Variants in CASQ2 observed in about 807,000 individuals in gnomAD.
CASQ2 encodes the protein calsequestrin-2.
CASQ2 carries 49 observed loss-of-function variants against 46.5 expected under a neutral mutation model. The observed-to-expected ratio is 1.05, with a 90% CI of 0.84 to 1.34. The LOEUF (loss-of-function observed/expected upper bound fraction) is 1.34, where lower values mean the gene tolerates loss of function less well. Ranked by LOEUF, CASQ2 falls within the 40% of genes most tolerant of loss-of-function variation. The pLI, the probability that CASQ2 is intolerant of heterozygous loss-of-function variation, is 0.00. For missense variants in CASQ2, 486 were observed against 481.3 expected (o/e 1.01, Z -0.09); for synonymous variants, 174 against 168.5 (o/e 1.03, Z -0.25).
chr1:115,763,659 T>G (rs1376100915), intron 1 of CASQ2, among the ~76,000 whole-genome samples: 1 of 152,194 alleles, frequency 6.6e-6, no homozygotes, highest in Non-Finnish European at 1.5e-5. Context: ...GGCAGCCTCA[T>G]TCAATCCTCA....
chr1:115,758,038 T>G (rs1453261852), intron 1 of CASQ2, among the ~76,000 whole-genome samples: 1 of 152,202 alleles, frequency 6.6e-6, no homozygotes, highest in African/African-American at 2.4e-5. Flanking sequence ...GCAGCTCAAG[T>G]GTGAGTGAAA....
At position 115,762,670 on chromosome 1, in the gene CASQ2, G is replaced by A. The variant is rs543524513; in HGVS notation, c.234+5638C>T. ...TTTCCTTCTATAGACGATTTAAGTG[G>A]CCATAAAATTGTTTCTATGTAAGTG... On this transcript the variant is annotated intron_variant, in intron 1 of 10. Coordinates refer to ENST00000261448, the MANE Select transcript of CASQ2 (RefSeq NM_001232.4). Among the ~76,000 whole-genome samples the A allele has an allele frequency of 2.0e-5, 3 of 152,318 alleles. No homozygotes were observed. In the East Asian group the frequency reaches 5.8e-4, roughly 29 times the overall value.
At chr1:115,729,171 T>C (rs1223117719) in intron 5 of CASQ2, among the ~76,000 whole-genome samples, 2 of 147,452 alleles carry the variant, frequency 1.4e-5, no homozygotes, top group Non-Finnish European at 3.0e-5. Flanking sequence ...TGCCTCAGCC[T>C]CCCGAGTAGC....
chr1:115,733,044 T>C, intron 4 of CASQ2, 70 bp from the exon 5 acceptor site: 1 of 1,135,840 alleles, frequency 8.8e-7, no homozygotes, highest in Non-Finnish European at 1.3e-6. Flanking sequence ...TCTTTTTAAA[T>C]GGTGTAGAGA....
rs111971053 is a variant in CASQ2, at chr1:115,736,691, T to A, written c.532+1533A>T. Among the ~76,000 whole-genome samples, 1,159 of 152,262 alleles carry A rather than the reference T, an allele frequency of 7.6e-3. 14 individuals are homozygous for A. Among genetic ancestry groups the A allele is most frequent in the African/African-American group, 0.023 (944 of 41,534 alleles). On this transcript the variant is annotated intron_variant, in intron 4 of 10. Transcript: ENST00000261448. Reference sequence around the variant, plus strand: ...TAAGATTCTCATTCAAAATTTTTTTTAAAAATTGGAGGTTTTTTACAATGC... The same window carrying A: ...TAAGATTCTCATTCAAAATTTTTTTAAAAAATTGGAGGTTTTTTACAATGC...
At chr1:115,741,965 G>T (rs1648197869) in intron 2 of CASQ2, among the ~76,000 whole-genome samples, 1 of 152,174 alleles carries the variant, frequency 6.6e-6, no homozygotes, top group Non-Finnish European at 1.5e-5. Flanking sequence ...CATGCATGAG[G>T]TATAAGCAGC....
At chr1:115,710,313 G>A (rs1173081732) in intron 8 of CASQ2, among the ~76,000 whole-genome samples, 1 of 152,204 alleles carries the variant, frequency 6.6e-6, no homozygotes, top group Non-Finnish European at 1.5e-5. Flanking sequence ...CCATTTTAAA[G>A]AGGATGGAAT....
chr1:115,751,471 A>C (rs1464425170), intron 1 of CASQ2, among the ~76,000 whole-genome samples: 13 of 151,788 alleles, frequency 8.6e-5, no homozygotes, highest in Non-Finnish European at 1.5e-5. Flanking sequence ...GATAGAGATC[A>C]TCCTGGCTAA....
chr1:115,712,003 G>T (rs1174989268), intron 8 of CASQ2, among the ~76,000 whole-genome samples: 2 of 152,146 alleles, frequency 1.3e-5, no homozygotes, highest in Non-Finnish European at 2.9e-5. Context: ...AACATCTTAA[G>T]CCCAGAGCCT....
chr1:115,756,969 A>T (rs1648785247), intron 1 of CASQ2, among the ~76,000 whole-genome samples: 1 of 151,976 alleles, frequency 6.6e-6, no homozygotes, highest in Non-Finnish European at 1.5e-5. Context: ...TAAATAAATA[A>T]AAAAAAACTT....
At chr1:115,762,968 C>T (rs10923412) in intron 1 of CASQ2, among the ~76,000 whole-genome samples, 7,219 of 152,234 alleles carry the variant, frequency 0.047, 598 homozygotes, top group African/African-American at 0.16. Flanking sequence ...TGGGGCTCCA[C>T]CTGTCATGTT....
At chr1:115,721,917 C>G (rs1647390366) in intron 7 of CASQ2, among the ~76,000 whole-genome samples, 2 of 152,304 alleles carry the variant, frequency 1.3e-5, no homozygotes, top group South Asian at 2.1e-4. Flanking sequence ...ACAACCACAT[C>G]TGTGGTTTAA....
intron 1 of CASQ2, among the ~76,000 whole-genome samples, chr1:115,765,889 G>T (rs1330870152): frequency 6.6e-6 from 1 of 152,152 alleles, no homozygotes; most frequent in Non-Finnish European, 1.5e-5. Flanking sequence ...TTTTCTTAGT[G>T]CAAGTGTGGG....
chr1:115,759,787 T>G (rs890696172), intron 1 of CASQ2, among the ~76,000 whole-genome samples: 1 of 152,192 alleles, frequency 6.6e-6, no homozygotes, highest in African/African-American at 2.4e-5. Context: ...ATATCCCACT[T>G]CCATCTACCT....
At chr1:115,712,998 G>T (rs377151082) in intron 8 of CASQ2, among the ~76,000 whole-genome samples, 3 of 152,270 alleles carry the variant, frequency 2.0e-5, no homozygotes, top group African/African-American at 7.2e-5. Flanking sequence ...TGAAGCAGTG[G>T]AAGCTTGGAT....
At chr1:115,703,075 T>A in intron 9 of CASQ2, 80 bp from the exon 10 acceptor site, 1 of 1,078,660 alleles carries the variant, frequency 9.3e-7, no homozygotes, top group Non-Finnish European at 1.4e-6. Flanking sequence ...CCCATCACAG[T>A]AACTAGGTCA....
chr1:115,764,023 C>T (rs1422715747), intron 1 of CASQ2, among the ~76,000 whole-genome samples: 1 of 151,470 alleles, frequency 6.6e-6, no homozygotes, highest in Admixed American at 6.6e-5. Context: ...AGACAGCATG[C>T]AAAATTGCAA....
intron 8 of CASQ2, among the ~76,000 whole-genome samples, chr1:115,707,921 G>T (rs1157568272): frequency 1.3e-5 from 2 of 152,306 alleles, no homozygotes; most frequent in Non-Finnish European, 2.9e-5. Context: ...AAGGAAAGGA[G>T]AGTCTAGGCA....
chr1:115,712,261 C>T (rs529718638), intron 8 of CASQ2, among the ~76,000 whole-genome samples: 33 of 152,338 alleles, frequency 2.2e-4, no homozygotes, highest in East Asian at 1.9e-3. Context: ...CTGGGCCCCA[C>T]AGCTATGAGA....
Sources: gnomAD v4.1 joint callset for allele counts (sites outside exome capture counted in the v4.1 genomes callset) on GRCh38, gnomAD v4.1.1 for gene constraint, MANE v1.5 for transcripts, NCBI Gene and HGNC (gene_info 2026-07-23, HGNC 2026-07-21) for gene names.